THSD4: variants seen among roughly 807,000 people sequenced by gnomAD.
THSD4 encodes thrombospondin type 1 domain containing 4.
Under a neutral mutation model 119.0 loss-of-function variants are expected in THSD4, and 69 were observed. The ratio of observed to expected loss-of-function variants is 0.58; its 90% CI spans 0.48 to 0.71. The LOEUF (loss-of-function observed/expected upper bound fraction) is 0.71. Among genes scored for constraint, THSD4 ranks in the 30% least tolerant of loss-of-function variants. THSD4 has a pLI of 0.00. For synonymous variants in THSD4, 524 were observed against 540.4 expected (o/e 0.97, Z 0.42); for missense variants, 1,393 against 1,391.1 (o/e 1.00, Z -0.02).
At chr15:71,537,046 A>G (rs764522546) in intron 7 of THSD4, among the ~76,000 whole-genome samples, 30 of 152,180 alleles carry the variant, frequency 2.0e-4, no homozygotes, top group Non-Finnish European at 3.7e-4. Flanking sequence ...ACGGTTAGAC[A>G]TTGAGTCCAA....
intron 6 of THSD4, among the ~76,000 whole-genome samples, chr15:71,408,073 C>T (rs375203438): frequency 6.6e-6 from 1 of 152,000 alleles, no homozygotes; most frequent in Non-Finnish European, 1.5e-5. Flanking sequence ...TGTGGCAACC[C>T]TTGTGTTTTC....
intron 6 of THSD4, 25 bp downstream of exon 6, chr15:71,256,740 AT>A: frequency 1.4e-5 from 23 of 1,595,616 alleles, no homozygotes; most frequent in Non-Finnish European, 1.8e-5. Flanking sequence ...AGCCCTGTCC[AT>A]AGAAGTTACT....
intron 7 of THSD4, among the ~76,000 whole-genome samples, chr15:71,427,376 T>G (rs879628388): frequency 6.6e-6 from 1 of 151,870 alleles, no homozygotes; most frequent in Non-Finnish European, 1.5e-5. Flanking sequence ...AACTGATGAA[T>G]GCTATGAAGC....
chr15:71,378,864 G>A (rs184768340), intron 6 of THSD4, among the ~76,000 whole-genome samples: 1 of 152,192 alleles, frequency 6.6e-6, no homozygotes, highest in Admixed American at 6.5e-5. Flanking sequence ...GCTCACTGCA[G>A]CCTGGAACTC....
At chr15:71,430,562 G>A (rs533364208) in intron 7 of THSD4, among the ~76,000 whole-genome samples, 2 of 151,920 alleles carry the variant, frequency 1.3e-5, no homozygotes, top group South Asian at 4.2e-4. Flanking sequence ...CTCTTTTTGA[G>A]CCTGGCCGAC....
chr15:71,615,211 G>T (rs1425831518), intron 7 of THSD4, among the ~76,000 whole-genome samples: 1 of 152,106 alleles, frequency 6.6e-6, no homozygotes, highest in Admixed American at 6.5e-5. Context: ...CATGTAAATG[G>T]AAAAATGGAA....
chr15:71,502,647 A>C (rs1213640945), intron 7 of THSD4, among the ~76,000 whole-genome samples: 1 of 152,210 alleles, frequency 6.6e-6, no homozygotes, highest in African/African-American at 2.4e-5. Context: ...TAAAAGACGC[A>C]AAACAGTTGA....
chr15:71,299,564 G>T (rs1299909276), intron 6 of THSD4, among the ~76,000 whole-genome samples: 1 of 152,204 alleles, frequency 6.6e-6, no homozygotes, highest in East Asian at 1.9e-4. Flanking sequence ...TAATGGGGAA[G>T]AGGGAGCTGT....
chr15:71,174,204 G>T (rs1314648843), intron 3 of THSD4, among the ~76,000 whole-genome samples: 1 of 152,188 alleles, frequency 6.6e-6, no homozygotes, highest in Non-Finnish European at 1.5e-5. Context: ...CGACGCAGAA[G>T]ACGGGTGATT....
intron 7 of THSD4, among the ~76,000 whole-genome samples, chr15:71,639,262 T>G (rs16955919): frequency 0.11 from 16,875 of 152,262 alleles, 1,030 homozygotes; most frequent in East Asian, 0.21. Context: ...TTTCATCAAT[T>G]TGTAAACTGT....
At chr15:71,308,892 G>A (rs2045071742) in intron 6 of THSD4, among the ~76,000 whole-genome samples, 1 of 152,144 alleles carries the variant, frequency 6.6e-6, no homozygotes, top group African/African-American at 2.4e-5. Context: ...CCACATTCTT[G>A]TCAACCTTTG....
At chr15:71,621,249 C>T (rs2050413881) in intron 7 of THSD4, among the ~76,000 whole-genome samples, 1 of 152,090 alleles carries the variant, frequency 6.6e-6, no homozygotes, top group African/African-American at 2.4e-5. Flanking sequence ...TTACGAGTTT[C>T]TACAGGAAAA....
chr15:71,220,239 C>T (rs1404865455), intron 4 of THSD4, among the ~76,000 whole-genome samples: 1 of 152,120 alleles, frequency 6.6e-6, no homozygotes, highest in Non-Finnish European at 1.5e-5. Context: ...TGGAATGGAA[C>T]AGTCAGGGAA....
chr15:71,301,125 GT>G (rs2044942623), intron 6 of THSD4, among the ~76,000 whole-genome samples: 1 of 151,960 alleles, frequency 6.6e-6, no homozygotes, highest in Non-Finnish European at 1.5e-5. Flanking sequence ...GGGTTTTTCT[GT>G]TGTTGTTTGT....
At chr15:71,114,223 T>C (rs1017708757), upstream of THSD4, among the ~76,000 whole-genome samples, 1 of 137,668 alleles carries the variant, frequency 7.3e-6, no homozygotes, top group Non-Finnish European at 1.5e-5. Flanking sequence ...CTTTTGTTAA[T>C]TTTTTTTTTT....
chr15:71,142,444 A>G (rs1356785198), intron 2 of THSD4, among the ~76,000 whole-genome samples: 1 of 152,212 alleles, frequency 6.6e-6, no homozygotes, highest in African/African-American at 2.4e-5. Flanking sequence ...TCAAAATCCT[A>G]TGCAAAATCT....
intron 7 of THSD4, among the ~76,000 whole-genome samples, chr15:71,500,185 G>A (rs1029170108): frequency 1.3e-5 from 2 of 152,016 alleles, no homozygotes; most frequent in Non-Finnish European, 2.9e-5. Context: ...CATACCAGAT[G>A]TGAGGTGATA....
chr15:71,504,934 G>C (rs1180058524), intron 7 of THSD4, among the ~76,000 whole-genome samples: 1 of 152,130 alleles, frequency 6.6e-6, no homozygotes, highest in African/African-American at 2.4e-5. Context: ...TCATGCCCTT[G>C]ACAGTTTTGA....
At chr15:71,593,821 T>A (rs12908732) in intron 7 of THSD4, among the ~76,000 whole-genome samples, 1 of 151,888 alleles carries the variant, frequency 6.6e-6, no homozygotes, top group Non-Finnish European at 1.5e-5. Context: ...GGAAGATTGC[T>A]TGAGCCTGGG....
Sources: gnomAD v4.1 joint callset for allele counts (sites outside exome capture counted in the v4.1 genomes callset) on GRCh38, gnomAD v4.1.1 for gene constraint, MANE v1.5 for transcripts, NCBI Gene and HGNC (gene_info 2026-07-23, HGNC 2026-07-21) for gene names.